NDST3: variants seen among roughly 807,000 people sequenced by gnomAD.
The protein encoded by NDST3 is bifunctional heparan sulfate N-deacetylase/N-sulfotransferase 3.
NDST3 carries 58 observed loss-of-function variants against 96.1 expected under a neutral mutation model. The ratio of observed to expected loss-of-function variants is 0.60; its 90% CI spans 0.49 to 0.75. NDST3 has a LOEUF of 0.75. Ranked by LOEUF, NDST3 falls within the 30% of genes least tolerant of loss-of-function variation. The pLI is 0.00. For missense variants in NDST3, 788 were observed against 1,034.2 expected, an observed-to-expected ratio of 0.76 and a Z score of 3.27; for synonymous variants, 333 against 359.7, an observed-to-expected ratio of 0.93 and a Z score of 0.84.
chr4:118,231,282 G>C (rs900384551), intron 8 of NDST3, among the ~76,000 whole-genome samples: 12 of 151,500 alleles, frequency 7.9e-5, no homozygotes, highest in Non-Finnish European at 1.6e-4. Context: ...GTTGCAGTGA[G>C]CCCAGATCGT....
chr4:118,254,232 T>C (rs1211541072), intron 13 of NDST3, among the ~76,000 whole-genome samples: 1 of 129,392 alleles, frequency 7.7e-6, no homozygotes, highest in African/African-American at 3.0e-5. Context: ...GCAGCAAGAG[T>C]GAAACTCCAA....
chr4:118,219,931 T>C (rs1299451205), intron 6 of NDST3, among the ~76,000 whole-genome samples: 1 of 152,096 alleles, frequency 6.6e-6, no homozygotes, highest in African/African-American at 2.4e-5. Context: ...TCACTGATCA[T>C]TAGAGAAATG....
chr4:118,239,893 G>T (rs562941065), intron 10 of NDST3, among the ~76,000 whole-genome samples: 5,940 of 152,174 alleles, frequency 0.039, 176 homozygotes, highest in African/African-American at 0.085. Flanking sequence ...GAGCAATCCT[G>T]TTGGATTGCT....
intron 4 of NDST3, among the ~76,000 whole-genome samples, chr4:118,135,872 G>A (rs965018535): frequency 1.1e-4 from 17 of 152,138 alleles, no homozygotes; most frequent in Non-Finnish European, 2.2e-4. Flanking sequence ...GTGAGATCCC[G>A]TCTCAATAAA....
chr4:118,118,914 T>C (rs1022833816), intron 4 of NDST3, among the ~76,000 whole-genome samples: 2 of 152,196 alleles, frequency 1.3e-5, no homozygotes, highest in Non-Finnish European at 2.9e-5. Flanking sequence ...CAATAGTATA[T>C]ACTCTCAATT....
At chr4:118,215,503 C>T (rs781469169) in intron 6 of NDST3, among the ~76,000 whole-genome samples, 1 of 152,062 alleles carries the variant, frequency 6.6e-6, no homozygotes, top group Non-Finnish European at 1.5e-5. Flanking sequence ...GTAAAGTCAG[C>T]ACCTGAGTAC....
chr4:118,169,966 G>A (rs796069650), intron 6 of NDST3, among the ~76,000 whole-genome samples: 5 of 152,006 alleles, frequency 3.3e-5, no homozygotes, highest in Non-Finnish European at 5.9e-5. Flanking sequence ...GATCTTTACC[G>A]GGGGGCTTAT....
intron 2 of NDST3, chr4:118,055,442 A>T: frequency 6.4e-6 from 1 of 157,036 alleles, no homozygotes; most frequent in East Asian, 1.9e-4. Context: ...ACATTTAAAC[A>T]TGAGGATTTA....
intron 4 of NDST3, among the ~76,000 whole-genome samples, chr4:118,120,111 TAAATAA>T (rs1731436128): frequency 6.6e-6 from 1 of 152,262 alleles, no homozygotes; most frequent in South Asian, 2.1e-4. Context: ...AAATGTTTGC[TAAATAA>T]AAATAAAAGT....
At chr4:118,050,110 T>C (rs1320872013) in intron 1 of NDST3, among the ~76,000 whole-genome samples, 7 of 152,088 alleles carry the variant, frequency 4.6e-5, no homozygotes, top group African/African-American at 1.7e-4. Context: ...ATTTACCACA[T>C]AAACAGAATT....
intron 12 of NDST3, among the ~76,000 whole-genome samples, chr4:118,243,118 T>TA (rs376717746): frequency 8.7e-5 from 13 of 150,162 alleles, no homozygotes; most frequent in South Asian, 2.1e-4. Flanking sequence ...GACTGAGCCT[T>TA]AAAAAAAAAC....
chr4:118,143,700 T>C lies in NDST3; in HGVS notation c.1539+16T>C, dbSNP rs113975339. 1 of 1,563,798 alleles carries C rather than the reference T, an allele frequency of 6.4e-7. No individual in the cohort carries two copies. Among genetic ancestry groups the C allele is most frequent in the Non-Finnish European group, 8.6e-7 (1 of 1,162,516 alleles). On this transcript the variant is annotated intron_variant, in intron 6 of 13. Transcript: ENST00000296499. ...CCTCAACCCTGTAAGTACTTTATTC[T>C]CCAAATAAATAGTGAAAAATGATAG...
At chr4:118,139,504 C>T (rs552189795) in intron 5 of NDST3, among the ~76,000 whole-genome samples, 16 of 152,058 alleles carry the variant, frequency 1.1e-4, no homozygotes, top group African/African-American at 3.1e-4. Flanking sequence ...ACACAATAAG[C>T]GAGAGAAAAT....
intron 6 of NDST3, among the ~76,000 whole-genome samples, chr4:118,156,371 T>C (rs10007959): frequency 0.028 from 4,252 of 152,294 alleles, 217 homozygotes; most frequent in African/African-American, 0.097. Flanking sequence ...AACCCAATTA[T>C]AATTTGCCTA....
chr4:118,056,800 T>C (rs1404907751), intron 2 of NDST3, among the ~76,000 whole-genome samples: 1 of 151,944 alleles, frequency 6.6e-6, no homozygotes, highest in African/African-American at 2.4e-5. Flanking sequence ...AGAGGCAGGC[T>C]TTAGGGATAC....
At chr4:118,116,700 T>C (rs1035282340) in intron 4 of NDST3, among the ~76,000 whole-genome samples, 3 of 151,716 alleles carry the variant, frequency 2.0e-5, no homozygotes, top group African/African-American at 7.3e-5. Context: ...TACTAAAAAA[T>C]ACAAACAATT....
chr4:118,066,299 T>A (rs1346540025), intron 2 of NDST3, among the ~76,000 whole-genome samples: 1 of 5,774 alleles, frequency 1.7e-4, no homozygotes, highest in African/African-American at 2.1e-4. Flanking sequence ...ATTATATATA[T>A]TATGTATTAT....
At chr4:118,097,145 A>G (rs1238795301) in intron 2 of NDST3, among the ~76,000 whole-genome samples, 1 of 151,924 alleles carries the variant, frequency 6.6e-6, no homozygotes, top group Non-Finnish European at 1.5e-5. Context: ...ATAATGTTTG[A>G]CCAATTATCT....
chr4:118,212,921 A>C (rs1315848954), intron 6 of NDST3, among the ~76,000 whole-genome samples: 2 of 152,186 alleles, frequency 1.3e-5, no homozygotes, highest in African/African-American at 4.8e-5. Flanking sequence ...GTCAGACACT[A>C]TATTGAACTT....
Sources: allele counts gnomAD v4.1 joint callset (sites outside exome capture counted in the v4.1 genomes callset), GRCh38; gene constraint gnomAD v4.1.1; transcripts MANE v1.5; gene names NCBI Gene and HGNC (gene_info 2026-07-23, HGNC 2026-07-21).